The following ABHD4 variants were observed in gnomAD, a reference collection of about 807,000 sequenced individuals.
ABHD4 encodes the protein abhydrolase domain containing 4, N-acyl phospholipase B.
Under a neutral mutation model 42.3 loss-of-function variants are expected in ABHD4, and 35 were observed. The observed-to-expected ratio is 0.83, with a 90% CI of 0.63 to 1.10. The LOEUF (loss-of-function observed/expected upper bound fraction) is 1.10. Among genes scored for constraint, ABHD4 ranks in the 50% least tolerant of loss-of-function variants. ABHD4 has a pLI of 0.00. For missense variants in ABHD4, 389 were observed against 454.8 expected (o/e 0.86, Z 1.32); for synonymous variants, 169 against 170.6 (o/e 0.99, Z 0.07).
chr14:22,610,442 C>A (rs1217288847), intron 6 of ABHD4, among the ~76,000 whole-genome samples: 1 of 152,134 alleles, frequency 6.6e-6, no homozygotes, highest in African/African-American at 2.4e-5. Flanking sequence ...AGTTTCTACC[C>A]CAAAACCAGA....
Position 22,603,451 on chromosome 14 carries a change from G to A in ABHD4, c.174G>A (p.Thr58=), listed in dbSNP as rs749458833. 7.7e-5 allele frequency: 125 copies of A among 1,614,172 alleles called. 2 individuals carry two copies. In the South Asian group the frequency reaches 9.3e-4, roughly 12 times the overall value. The change falls in exon 3 of 7, where the codon ACG becomes ACA. Residue 58 remains threonine, a synonymous_variant. Transcript: ENST00000428304. The stretch of plus-strand genomic sequence containing the variant: ...TCCCAAACCAGAATAAGATCTGGAC[G>A]GTGACTGTGAGCCCCGAGCAAAACG... ...VSLPNQNKIW[T]VTVSPEQNDR...
chr14:22,606,262 T>C (rs1176142999), intron 4 of ABHD4, among the ~76,000 whole-genome samples, 160 bp from the exon 5 acceptor site: 6 of 152,192 alleles, frequency 3.9e-5, no homozygotes, highest in African/African-American at 1.4e-4. Context: ...TCCCAGTAGA[T>C]TCCTGCACTC....
Position 22,603,511 on chromosome 14 carries a change from G to A in ABHD4, c.234G>A (p.Gly78=). ...RTPLVMVHGF[G]GGVGLWILNM... ...CCTTGGTGATGGTGCATGGTTTTGGGGGCGGCGTGGGTCTCTGGATCCTCA... is the reference window on the plus strand; with the variant it reads ...CCTTGGTGATGGTGCATGGTTTTGGAGGCGGCGTGGGTCTCTGGATCCTCA... Residue 78 remains glycine (G), a synonymous_variant, in exon 3 of 7, where the codon GGG becomes GGA. Transcript: ENST00000428304. 1.2e-6 allele frequency: 2 copies of A among 1,614,116 alleles called. No individual in the cohort carries two copies. The highest frequency in any genetic ancestry group is 1.7e-6 in the Non-Finnish European group (2 of 1,180,006).
chr14:22,603,416 T>A lies in ABHD4; in HGVS notation c.139T>A (p.Tyr47Asn), dbSNP rs1011134730. 1 of 1,614,054 alleles carries A rather than the reference T, an allele frequency of 6.2e-7. No individual in the cohort carries two copies. The highest frequency in any genetic ancestry group is 8.5e-7 in the Non-Finnish European group (1 of 1,180,042). ...QCLQNKFLAR[Y>N]VSLPNQNKIW... Reference sequence around the variant, plus strand: ...TCTCCAGAATAAGTTCCTGGCCAGATATGTATCCCTCCCAAACCAGAATAA... The same window carrying A: ...TCTCCAGAATAAGTTCCTGGCCAGAAATGTATCCCTCCCAAACCAGAATAA... The change falls in exon 3 of 7, where the codon TAT becomes AAT. Residue 47 changes from tyrosine to asparagine, a missense_variant. Tyr to Asn is a moderately radical substitution (Grantham distance 143). This residue lies in a region of ABHD4 where 102 missense variants were observed against 128.3 expected (regional missense o/e 0.80). Transcript: ENST00000428304.
chr14:22,602,266 TGCAGCAGGGCATCCCACTAGCG>T (rs1477761616), intron 2 of ABHD4, among the ~76,000 whole-genome samples: 2 of 152,168 alleles, frequency 1.3e-5, no homozygotes, highest in African/African-American at 4.8e-5. Context: ...ACTGTTACAT[TGCAGCAGGGCATCCCACTAGCG>T]GCAGCAGCCA....
intron 1 of ABHD4, among the ~76,000 whole-genome samples, chr14:22,599,552 G>T (rs1035586622): frequency 6.6e-6 from 1 of 152,202 alleles, no homozygotes; most frequent in Non-Finnish European, 1.5e-5. Flanking sequence ...CATACAGTGT[G>T]CCAGGCACCA....
intron 4 of ABHD4, 70 bp from the exon 5 acceptor site, chr14:22,606,352 T>G: frequency 3.0e-6 from 3 of 1,016,082 alleles, no homozygotes; most frequent in Non-Finnish European, 4.6e-6. Context: ...TCTCAAAACA[T>G]ACACAGGCAG....
At chr14:22,610,716 C>A (rs1594894708) in intron 6 of ABHD4, 143 bp from the exon 7 acceptor site, 1 of 641,880 alleles carries the variant, frequency 1.6e-6, no homozygotes, top group East Asian at 2.7e-5. Context: ...TACCAAGATC[C>A]AAGCGAGAAA....
rs541705373 is a variant in ABHD4, at chr14:22,611,817, A to G, written c.*869A>G. On this transcript the variant is annotated 3_prime_UTR_variant, in exon 7 of 7. Transcript: ENST00000428304. ...ACTCAAGTGCTTCCTTCCTTGCCCC[A>G]TCTTCCTCCCAACTGGAGGCCTCTG... is the stretch of plus-strand genomic sequence containing the variant. 3.9e-5 allele frequency: 6 copies of G among 153,054 alleles called. No homozygotes were observed. The highest frequency in any genetic ancestry group is 8.8e-5 in the Non-Finnish European group (6 of 68,466). 9.5% of individuals were successfully genotyped at this position (153,054 alleles called of 1,614,324 possible).
At chr14:22,606,268 C>A (rs939548299) in intron 4 of ABHD4, among the ~76,000 whole-genome samples, 154 bp from the exon 5 acceptor site, 1 of 152,176 alleles carries the variant, frequency 6.6e-6, no homozygotes, top group Admixed American at 6.5e-5. Flanking sequence ...TAGATTCCTG[C>A]ACTCTTTCTG....
chr14:22,598,506 A>C, intron 1 of ABHD4, 177 bp downstream of exon 1: 1 of 1,527,454 alleles, frequency 6.5e-7, no homozygotes, highest in South Asian at 1.2e-5. Flanking sequence ...CAGAAGAGGC[A>C]GCGGCTGAGC....
chr14:22,605,984 G>C (rs1228633759), intron 4 of ABHD4: 5 of 520,116 alleles, frequency 9.6e-6, no homozygotes, highest in Non-Finnish European at 1.7e-5. Flanking sequence ...CTGAAAATGA[G>C]AGCGCTGTCG....
chr14:22,610,085 C>G (rs2037394878), intron 6 of ABHD4, among the ~76,000 whole-genome samples, 175 bp downstream of exon 6: 1 of 151,406 alleles, frequency 6.6e-6, no homozygotes. Flanking sequence ...GTGATGGAGT[C>G]TCGCTATTGT....
intron 4 of ABHD4, chr14:22,605,983 A>G: frequency 3.8e-6 from 2 of 530,904 alleles, no homozygotes; most frequent in Admixed American, 2.5e-5. Flanking sequence ...CCTGAAAATG[A>G]GAGCGCTGTC....
intron 5 of ABHD4, among the ~76,000 whole-genome samples, chr14:22,607,488 A>T (rs781358531): frequency 3.3e-5 from 5 of 152,190 alleles, no homozygotes; most frequent in Non-Finnish European, 7.4e-5. Flanking sequence ...TTCCAGCAAT[A>T]CTGTCTGAAC....
intron 1 of ABHD4, chr14:22,598,808 T>G: frequency 4.2e-6 from 1 of 237,556 alleles, no homozygotes. Flanking sequence ...CTGAAATTGG[T>G]GTGGAACAAC....
At position 22,603,439 on chromosome 14, in the gene ABHD4, T is replaced by G. The variant is rs767326940; in HGVS notation, c.162T>G (p.Asn54Lys). The G allele has an allele frequency of 1.6e-5, 26 of 1,614,182 alleles. No individual in the cohort carries two copies. Among genetic ancestry groups the G allele is most frequent in the Non-Finnish European group, 2.1e-5 (25 of 1,180,014 alleles). ...LARYVSLPNQ[N>K]KIWTVTVSPE... ...GATATGTATCCCTCCCAAACCAGAA[T>G]AAGATCTGGACGGTGACTGTGAGCC... The change falls in exon 3 of 7, where the codon AAT becomes AAG. Residue 54 changes from asparagine to lysine, a missense_variant. Coordinates refer to ENST00000428304, the MANE Select transcript of ABHD4 (RefSeq NM_022060.3).
chr14:22,600,913 A>C (rs994128507), intron 1 of ABHD4, among the ~76,000 whole-genome samples: 3 of 150,188 alleles, frequency 2.0e-5, no homozygotes, highest in Non-Finnish European at 2.9e-5. Context: ...TCTACCTTGC[A>C]ATGACTTAAG....
At chr14:22,598,605 G>A in intron 1 of ABHD4, 2 of 767,738 alleles carry the variant, frequency 2.6e-6, no homozygotes, top group Non-Finnish European at 4.2e-6. Flanking sequence ...ATTCTCCTCT[G>A]GCCTCTGGAG....
Sources: allele counts gnomAD v4.1 joint callset (sites outside exome capture counted in the v4.1 genomes callset), GRCh38; gene constraint gnomAD v4.1.1; regional missense constraint gnomAD v4.1.1; transcripts MANE v1.5; gene names NCBI Gene and HGNC (gene_info 2026-07-23, HGNC 2026-07-21).